The following ITIH1 variants were observed in gnomAD, a reference collection of about 807,000 sequenced individuals.
The protein encoded by ITIH1 is inter-alpha-trypsin inhibitor heavy chain H1.
A neutral mutation model predicts 104.6 loss-of-function variants in ITIH1; 94 were observed. The ratio of observed to expected loss-of-function variants is 0.90; its 90% confidence interval spans 0.76 to 1.07. The LOEUF (loss-of-function observed/expected upper bound fraction) is 1.07. ITIH1 is among the 50% of genes least tolerant of loss of function. The pLI is 0.00. For missense variants in ITIH1, 1,193 were observed against 1,181.4 expected (o/e 1.01, Z -0.14); for synonymous variants, 455 against 464.4 (o/e 0.98, Z 0.26).
chr3:52,792,065 C>A, downstream of ITIH1: 1 of 835,330 alleles, frequency 1.2e-6, no homozygotes, highest in Non-Finnish European at 1.8e-6. Flanking sequence ...CGTGTCCACC[C>A]TGAGCTGGCT....
At chr3:52,782,528 C>G (rs1041469206) in intron 8 of ITIH1, among the ~76,000 whole-genome samples, 9 of 152,120 alleles carry the variant, frequency 5.9e-5, no homozygotes, top group African/African-American at 2.2e-4. Flanking sequence ...CATGGAGTTA[C>G]CCCCTGGGGG....
chr3:52,782,728 C>T (rs1292846788), intron 8 of ITIH1, among the ~76,000 whole-genome samples: 3 of 152,106 alleles, frequency 2.0e-5, no homozygotes, highest in African/African-American at 4.8e-5. Context: ...CTGCCCCTCC[C>T]GAACTCCTGA....
chr3:52,790,629 G>A (rs2154108837), intron 19 of ITIH1, 120 bp from the exon 20 acceptor site: 4 of 972,724 alleles, frequency 4.1e-6, no homozygotes, highest in East Asian at 2.5e-5. Context: ...GGCCATCTGG[G>A]GATGAAGGCC....
At position 52,790,778 on chromosome 3, in the gene ITIH1, A is replaced by G. The variant is rs1363056716; in HGVS notation, c.2351A>G (p.Asn784Ser). ...GVVVTINKKR[N>S]LVVSVDDGGT... ...GTGGTGACCATCAACAAGAAGAGGAACCTGGTGGTGTCTGTGGACGACGGT... is the reference window on the plus strand; with the variant it reads ...GTGGTGACCATCAACAAGAAGAGGAGCCTGGTGGTGTCTGTGGACGACGGT... The change falls in exon 20 of 22, where the codon AAC (asparagine) becomes AGC (serine). Residue 784 changes from asparagine (N) to serine (S), a missense_variant. By Grantham distance (46) the Asn-to-Ser change is conservative (BLOSUM62 1). Coordinates refer to ENST00000273283, the MANE Select transcript of ITIH1 (RefSeq NM_002215.4). 6.2e-7 allele frequency: 1 copy of G among 1,612,512 alleles called. No homozygotes were observed.
chr3:52,784,716 G>C (rs1481245716), intron 11 of ITIH1, among the ~76,000 whole-genome samples: 1 of 152,024 alleles, frequency 6.6e-6, no homozygotes, highest in Non-Finnish European at 1.5e-5. Flanking sequence ...CTCTACTGAA[G>C]ATACAAAAAT....
In ITIH1 at chr3:52,779,859, A is replaced by G. The variant is rs1559460520; in HGVS notation, c.573+265A>G. 4 of 1,369,592 alleles carry G rather than the reference A, an allele frequency of 2.9e-6. No individual in the cohort carries two copies. The highest frequency in any genetic ancestry group is 1.9e-6 in the Non-Finnish European group (2 of 1,049,506). 84.8% of individuals were successfully genotyped at this position (1,369,592 alleles called of 1,614,324 possible). On this transcript the variant is annotated intron_variant, in intron 5 of 21. Transcript: ENST00000273283. This position sits in a 1 kb window ranked among gnomAD's most constrained non-coding sequence, Gnocchi z 4.4. Reference sequence around the variant, plus strand: ...TCCCAGGACCGCCACAGGGATCACGAGAAGTACTGAATGTCCAGGTAATTT... The same window carrying G: ...TCCCAGGACCGCCACAGGGATCACGGGAAGTACTGAATGTCCAGGTAATTT...
At position 52,788,280 on chromosome 3, in the gene ITIH1, C is replaced by A. The variant is rs1274911626; in HGVS notation, c.2054C>A (p.Thr685Asn). The part of the protein sequence containing the change: ...FIIHVPQKED[T>N]LCFNINEEPG... Reference sequence around the variant, plus strand: ...ATCCACGTGCCCCAGAAAGAGGACACCCTGTGCTTCAACATCAATGAGGAG... The same window carrying A: ...ATCCACGTGCCCCAGAAAGAGGACAACCTGTGCTTCAACATCAATGAGGAG... The change falls in exon 18 of 22, where the codon ACC becomes AAC. Residue 685 changes from threonine to asparagine, a missense_variant. Transcript: ENST00000273283. 1.9e-6 allele frequency: 3 copies of A among 1,612,302 alleles called. No homozygotes were observed. Among genetic ancestry groups the A allele is most frequent in the East Asian group, 2.2e-5 (1 of 44,856 alleles).
At chr3:52,787,537 G>C in intron 15 of ITIH1, 55 bp from the exon 16 acceptor site, 2 of 1,609,088 alleles carry the variant, frequency 1.2e-6, no homozygotes, top group Admixed American at 3.3e-5. Context: ...CATGCCTTTC[G>C]TGTGGGGCAC....
At chr3:52,788,415 A>G in intron 18 of ITIH1, 70 bp downstream of exon 18, 1 of 1,067,300 alleles carries the variant, frequency 9.4e-7, no homozygotes. Flanking sequence ...AGCCAGGAAC[A>G]GGACTATGGC....
intron 10 of ITIH1, among the ~76,000 whole-genome samples, chr3:52,783,720 G>A (rs534105611): frequency 3.9e-5 from 6 of 152,204 alleles, no homozygotes; most frequent in Admixed American, 2.0e-4. Flanking sequence ...CAAAGAGCCC[G>A]GGACCTACTG....
intron 18 of ITIH1, 138 bp from the exon 19 acceptor site, chr3:52,789,515 A>T: frequency 1.4e-6 from 1 of 708,994 alleles, no homozygotes; most frequent in South Asian, 1.7e-5. Flanking sequence ...CCAGACCTGG[A>T]GACCCTGAGG....
At position 52,791,810 on chromosome 3, in the gene ITIH1, C is replaced by T. The variant is rs1223274390; in HGVS notation, c.2635C>T (p.Pro879Ser). ...TTTGCAAAAAGACTACAGCAAGGACCCGTGGCATGGGGCCGAGGTGTCCTG... is the reference window on the plus strand; with the variant it reads ...TTTGCAAAAAGACTACAGCAAGGACTCGTGGCATGGGGCCGAGGTGTCCTG... ...RGLQKDYSKD[P>S]WHGAEVSCWF... The change falls in exon 22 of 22, where the codon CCG (proline) becomes TCG (serine). Residue 879 changes from proline to serine, a missense_variant. By Grantham distance (74) the Pro-to-Ser change is moderately conservative. Coordinates refer to ENST00000273283, the MANE Select transcript of ITIH1 (RefSeq NM_002215.4). 8.7e-6 allele frequency: 14 copies of T among 1,613,900 alleles called. No individual in the cohort carries two copies. The highest frequency in any genetic ancestry group is 1.3e-5 in the African/African-American group (1 of 74,930).
At chr3:52,788,562 C>CTTTTTT (rs375504966) in intron 18 of ITIH1, among the ~76,000 whole-genome samples, 28 of 139,624 alleles carry the variant, frequency 2.0e-4, no homozygotes, top group African/African-American at 5.0e-4. Context: ...CACACAGGGG[C>CTTTTTT]TTTTTTTTTT....
rs532424393 is a variant in ITIH1, at chr3:52,791,480, C to T, written c.2495-37C>T. 18 of 1,557,064 alleles carry T rather than the reference C, an allele frequency of 1.2e-5. No individual in the cohort carries two copies. The East Asian group carries it at 1.3e-4, about 12-fold the overall frequency. The stretch of plus-strand genomic sequence containing the variant: ...TGAGTGCAGGGCAGGAGCAAGTCCC[C>T]GAGATGGTAACCGCTGTCTCCAATG... On this transcript the variant is annotated intron_variant, in intron 20 of 21. Transcript: ENST00000273283.
intron 8 of ITIH1, 60 bp downstream of exon 8, chr3:52,782,327 A>T: frequency 7.6e-7 from 1 of 1,318,220 alleles, no homozygotes; most frequent in Non-Finnish European, 1.1e-6. Flanking sequence ...ATCACTCACC[A>T]CATGCCAGTT....
chr3:52,778,262 C>T (rs1225531078), intron 2 of ITIH1, 78 bp from the exon 3 acceptor site: 5 of 1,455,438 alleles, frequency 3.4e-6, no homozygotes, highest in Non-Finnish European at 4.8e-6. Context: ...GGCTAAGTGC[C>T]AAGTCCCCGT....
chr3:52,791,614 G>A lies in ITIH1; in HGVS notation c.2592G>A (p.Arg864=). 1 of 1,613,894 alleles carries A rather than the reference G, an allele frequency of 6.2e-7. No individual in the cohort carries two copies. The highest frequency in any genetic ancestry group is 8.5e-7 in the Non-Finnish European group (1 of 1,179,896). The part of the protein sequence containing the change: ...PDATMVVRNR[R]LTVTRGLQKD... ...CCACGATGGTGGTGAGGAACCGCCG[G>A]CTCACGGTCACCAGGTGGGTGGGCT... Residue 864 remains arginine, a synonymous_variant, in exon 21 of 22, where the codon CGG becomes CGA. Coordinates refer to ENST00000273283, the MANE Select transcript of ITIH1 (RefSeq NM_002215.4).
At chr3:52,778,697 A>C (rs2154108114) in intron 3 of ITIH1, 191 bp downstream of exon 3, 1 of 1,431,054 alleles carries the variant, frequency 7.0e-7, no homozygotes, top group Admixed American at 2.8e-5. Context: ...TTGGAGGCAA[A>C]CTGGGACCCA....
chr3:52,781,205 TTTTTTC>T lies in ITIH1; in HGVS notation c.688-732_688-727del, dbSNP rs1315126312. Among the ~76,000 whole-genome samples the T allele has an allele frequency of 2.0e-3, 144 of 72,344 alleles. 5 individuals carry two copies. The highest frequency in any genetic ancestry group is 4.0e-3 in the East Asian group (11 of 2,764). 47.5% of individuals were successfully genotyped at this position (72,344 alleles called of 152,430 possible). ...CTTCACCTCCTCCTCTTCTTTTTTT[TTTTTTC>T]TTCTTCTTCTTCTTCTTCTTCTTCT... On this transcript the variant is annotated intron_variant, in intron 6 of 21. Coordinates refer to ENST00000273283, the MANE Select transcript of ITIH1 (RefSeq NM_002215.4).
Sources: allele counts gnomAD v4.1 joint callset (sites outside exome capture counted in the v4.1 genomes callset), GRCh38; gene constraint gnomAD v4.1.1; non-coding constraint Gnocchi (gnomAD v3.1); transcripts MANE v1.5; gene names NCBI Gene and HGNC (gene_info 2026-07-23, HGNC 2026-07-21).